Variants in PACC1 observed in about 807,000 individuals in gnomAD.
PACC1 encodes the protein proton-activated chloride channel.
PACC1 carries 34 observed loss-of-function variants against 39.7 expected under a neutral mutation model. That is an observed-to-expected ratio of 0.86 (90% CI 0.65 to 1.14). The LOEUF is 1.14. Among genes scored for constraint, PACC1 ranks in the 50% most tolerant of loss-of-function variants. PACC1 has a pLI of 0.00. For synonymous variants in PACC1, 127 were observed against 160.6 expected (o/e 0.79, Z 1.58); for missense variants, 379 against 436.4 (o/e 0.87, Z 1.17).
chr1:212,405,420 G>A (rs1178560163), intron 2 of PACC1, among the ~76,000 whole-genome samples: 1 of 152,246 alleles, frequency 6.6e-6, no homozygotes, highest in Admixed American at 6.5e-5. Flanking sequence ...TATCAACTGT[G>A]TTAACTGTTA....
Position 212,375,308 on chromosome 1 carries a change from T to C in PACC1, c.784-8A>G. The C allele has an allele frequency of 6.2e-7, 1 of 1,606,290 alleles. No individual in the cohort carries two copies. Among genetic ancestry groups the C allele is most frequent in the Non-Finnish European group, 8.5e-7 (1 of 1,173,004 alleles). ...GTAGTTAACCACACTTGTCTAGATG[T>C]GGAGGAGAGAAAGCAGTGTTACCAC... On this transcript the variant is annotated splice_polypyrimidine_tract_variant and splice_region_variant and intron_variant, in intron 6 of 7. Transcript: ENST00000261455.
chr1:212,375,574 T>C (rs2102477233), intron 6 of PACC1, among the ~76,000 whole-genome samples: 1 of 152,266 alleles, frequency 6.6e-6, no homozygotes, highest in East Asian at 1.9e-4. Flanking sequence ...TGTCACTAGG[T>C]ATCTGTACTC....
At chr1:212,378,107 G>A (rs1660734359) in intron 5 of PACC1, among the ~76,000 whole-genome samples, 1 of 152,190 alleles carries the variant, frequency 6.6e-6, no homozygotes, top group Non-Finnish European at 1.5e-5. Context: ...AGAGCCTGAG[G>A]AAGCCCTCAC....
intron 2 of PACC1, among the ~76,000 whole-genome samples, chr1:212,398,580 C>A (rs930052764): frequency 6.6e-6 from 1 of 152,284 alleles, no homozygotes; most frequent in African/African-American, 2.4e-5. Flanking sequence ...ACTGGGGAAA[C>A]CCAATGGGTA....
rs142855529 is a variant in PACC1 at position 212,367,819 on chromosome 1, T to C, written c.892-2443A>G. On this transcript the variant is annotated intron_variant, in intron 7 of 7. Coordinates refer to ENST00000261455, the MANE Select transcript of PACC1 (RefSeq NM_018252.3). ...CTAATTATAGGCTATTGCTCCCAAA[T>C]GGCACTTCTAAACCCACCCTGGCCA... Among the ~76,000 whole-genome samples, 16 of 152,218 alleles carry C rather than the reference T, an allele frequency of 1.1e-4. No individual in the cohort carries two copies. The East Asian group carries it at 3.1e-3, about 29-fold the overall frequency.
intron 1 of PACC1, among the ~76,000 whole-genome samples, chr1:212,411,627 G>A (rs1430643984): frequency 2.0e-5 from 3 of 152,182 alleles, no homozygotes; most frequent in Non-Finnish European, 4.4e-5. Flanking sequence ...GAATTGGGAG[G>A]GAGAGGGGAC....
At position 212,414,750 on chromosome 1, in the gene PACC1, C is replaced by G. The variant is rs534399853; in HGVS notation, c.8G>C (p.Arg3Pro). ...CTGGTAGGATGTGGAGCGCTCCTGC[C>G]GGATCATGGCACTGACCAGAGCTTC... MI[R>P]QERSTSYQEL... The change falls in exon 1 of 8, where the codon CGG becomes CCG. Residue 3 changes from arginine (R) to proline (P), a missense_variant. Coordinates refer to ENST00000261455, the MANE Select transcript of PACC1 (RefSeq NM_018252.3). The G allele has an allele frequency of 6.8e-6, 11 of 1,613,630 alleles. No homozygotes were observed. The Admixed American group carries it at 1.0e-4, about 15-fold the overall frequency.
chr1:212,405,872 T>C (rs1661891829), intron 2 of PACC1, among the ~76,000 whole-genome samples: 1 of 152,084 alleles, frequency 6.6e-6, no homozygotes, highest in African/African-American at 2.4e-5. Context: ...CTCAGAGCAA[T>C]GGCTTGCACC....
intron 2 of PACC1, among the ~76,000 whole-genome samples, chr1:212,391,031 C>T (rs1234042373): frequency 6.6e-6 from 1 of 152,234 alleles, no homozygotes; most frequent in Non-Finnish European, 1.5e-5. Context: ...CATAGCCGAA[C>T]AAAAGGCAGC....
intron 7 of PACC1, among the ~76,000 whole-genome samples, chr1:212,374,851 C>T (rs575537457): frequency 4.6e-5 from 7 of 152,284 alleles, no homozygotes; most frequent in Middle Eastern, 3.4e-3. Context: ...TCAATTTATT[C>T]AACGAACATT....
At chr1:212,367,499 A>C (rs1036034018) in intron 7 of PACC1, among the ~76,000 whole-genome samples, 9 of 152,152 alleles carry the variant, frequency 5.9e-5, no homozygotes, top group African/African-American at 1.9e-4. Context: ...GGCATCTACC[A>C]CCCCAGTGGG....
rs184728513 is a variant in PACC1 at position 212,408,840 on chromosome 1, G to T, written c.133+1585C>A. 8.8e-4 allele frequency among the ~76,000 whole-genome samples: 134 copies of T among 152,046 alleles called. 2 individuals carry two copies. Among genetic ancestry groups the T allele is most frequent in the African/African-American group, 3.2e-3 (131 of 41,580 alleles). ...CTAGGCTGGTGAGCAAAACAGACTG[G>T]TCTCTGCCCTCAGGGAGTTTCATTC... is the stretch of plus-strand genomic sequence containing the variant. On this transcript the variant is annotated intron_variant, in intron 2 of 7. Transcript: ENST00000261455.
intron 1 of PACC1, chr1:212,414,092 G>A (rs1307827287): frequency 1.3e-6 from 2 of 1,521,914 alleles, no homozygotes; most frequent in Admixed American, 2.1e-5. Context: ...TGCAGCGCAG[G>A]ACAGAGAAGA....
At chr1:212,402,943 C>G (rs1170969877) in intron 2 of PACC1, among the ~76,000 whole-genome samples, 3 of 152,134 alleles carry the variant, frequency 2.0e-5, no homozygotes, top group African/African-American at 7.2e-5. Flanking sequence ...CGTGATCAAC[C>G]GTGCCCAGCC....
At position 212,408,366 on chromosome 1, in the gene PACC1, A is replaced by T. The variant is rs930796077; in HGVS notation, c.133+2059T>A. Reference sequence around the variant, plus strand: ...AGGCAGTCTTTTTTTACTTTATTTTATTTTTTTTTTTGAGGCAGAGTCTCA... The same window carrying T: ...AGGCAGTCTTTTTTTACTTTATTTTTTTTTTTTTTTTGAGGCAGAGTCTCA... On this transcript the variant is annotated intron_variant, in intron 2 of 7. Coordinates refer to ENST00000261455, the MANE Select transcript of PACC1 (RefSeq NM_018252.3). Among the ~76,000 whole-genome samples, 6 of 144,850 alleles carry T rather than the reference A, an allele frequency of 4.1e-5. No individual in the cohort carries two copies. The East Asian group carries it at 6.0e-4, about 15-fold the overall frequency.
intron 7 of PACC1, among the ~76,000 whole-genome samples, chr1:212,366,745 T>A (rs1001069341): frequency 1.6e-4 from 24 of 152,318 alleles, no homozygotes; most frequent in Admixed American, 4.6e-4. Context: ...AAAAATGTTT[T>A]ATCACACATT....
intron 2 of PACC1, among the ~76,000 whole-genome samples, chr1:212,394,691 C>G (rs1473709006): frequency 6.6e-6 from 1 of 152,016 alleles, no homozygotes; most frequent in Non-Finnish European, 1.5e-5. Flanking sequence ...AAAACCCCAT[C>G]GTCTCAGCCC....
chr1:212,385,592 A>C (rs911911957), intron 3 of PACC1, among the ~76,000 whole-genome samples, 167 bp from the exon 4 acceptor site: 5 of 152,180 alleles, frequency 3.3e-5, no homozygotes, highest in African/African-American at 1.2e-4. Context: ...CCCTGGCCTC[A>C]GAAAGCCCCG....
chr1:212,370,969 C>T (rs978907542), intron 7 of PACC1, among the ~76,000 whole-genome samples: 2 of 151,972 alleles, frequency 1.3e-5, no homozygotes, highest in Non-Finnish European at 2.9e-5. Flanking sequence ...TGTTTGAGGC[C>T]GGGCGCAGTG....
Sources: gnomAD v4.1 joint callset for allele counts (sites outside exome capture counted in the v4.1 genomes callset) on GRCh38, gnomAD v4.1.1 for gene constraint, MANE v1.5 for transcripts, NCBI Gene and HGNC (gene_info 2026-07-23, HGNC 2026-07-21) for gene names.